TET1: variants seen among roughly 807,000 people sequenced by gnomAD.
The protein encoded by TET1 is tet methylcytosine dioxygenase 1.
A neutral mutation model predicts 148.7 loss-of-function variants in TET1; 13 were observed. The ratio of observed to expected loss-of-function variants is 0.09; its 90% confidence interval spans 0.06 to 0.14. The LOEUF is 0.14. Ranked by LOEUF, TET1 falls within the 10% of genes least tolerant of loss-of-function variation. The pLI, the probability that TET1 is intolerant of heterozygous loss-of-function variation, is 1.00. For missense variants in TET1, 2,182 were observed against 2,553.8 expected, an observed-to-expected ratio of 0.85 and a Z score of 3.14; for synonymous variants, 907 against 937.2, an observed-to-expected ratio of 0.97 and a Z score of 0.59.
chr10:68,611,269 C>T (rs2054205305), intron 3 of TET1, among the ~76,000 whole-genome samples: 1 of 151,274 alleles, frequency 6.6e-6, no homozygotes, highest in African/African-American at 2.4e-5. Context: ...GTAGCCTGGG[C>T]AACAGAGCGA....
chr10:68,639,578 C>T (rs1019838178), intron 3 of TET1, among the ~76,000 whole-genome samples: 3 of 152,006 alleles, frequency 2.0e-5, no homozygotes, highest in Non-Finnish European at 4.4e-5. Flanking sequence ...ACGTGATCCT[C>T]CCGCTTCAGC....
Position 68,646,236 on chromosome 10 carries a change from A to T in TET1, c.3507A>T (p.Gln1169His), listed in dbSNP as rs777844548. 6.2e-7 allele frequency: 1 copy of T among 1,614,222 alleles called. No homozygotes were observed. Among genetic ancestry groups the T allele is most frequent in the Non-Finnish European group, 8.5e-7 (1 of 1,180,034 alleles). ...RKKKPTVVSY[Q>H]ENDRQKWEKL... ...AGAAGCCCACAGTTGTAAGTTATCA[A>T]GAAAATGATCGGCAGAAGTGGGAAA... The change falls in exon 4 of 12, where the codon CAA becomes CAT. Residue 1169 changes from glutamine (Q) to histidine (H), a missense_variant. Transcript: ENST00000373644.
At chr10:68,623,178 T>C (rs999431902) in intron 3 of TET1, among the ~76,000 whole-genome samples, 5 of 152,206 alleles carry the variant, frequency 3.3e-5, no homozygotes, top group African/African-American at 1.2e-4. Context: ...TACATATTAA[T>C]GTGGTGTTTG....
intron 3 of TET1, among the ~76,000 whole-genome samples, chr10:68,608,035 TCTC>T (rs1038956728): frequency 9.9e-5 from 15 of 151,674 alleles, no homozygotes; most frequent in Admixed American, 2.0e-4. Flanking sequence ...TTCAAGCAGT[TCTC>T]CTGCCTCAGC....
chr10:68,692,055 A>C lies in TET1; in HGVS notation c.*241A>C. ...TTTTATAGTTTTAAATACATAAAGA[A>C]ATGTTTCAGTTAGGCATTAACCTTG... On this transcript the variant is annotated 3_prime_UTR_variant, in exon 12 of 12. Coordinates refer to ENST00000373644, the MANE Select transcript of TET1 (RefSeq NM_030625.3). 1 of 469,264 alleles carries C rather than the reference A, an allele frequency of 2.1e-6. No homozygotes were observed. 29.1% of individuals were successfully genotyped at this position (469,264 alleles called of 1,614,324 possible).
chr10:68,597,675 A>G (rs1013889763), intron 2 of TET1, among the ~76,000 whole-genome samples: 3 of 152,238 alleles, frequency 2.0e-5, no homozygotes, highest in Non-Finnish European at 4.4e-5. Context: ...AGTAATATTC[A>G]TAATCACCAA....
chr10:68,576,267 C>G (rs2053729644), intron 2 of TET1, among the ~76,000 whole-genome samples: 1 of 151,528 alleles, frequency 6.6e-6, no homozygotes. Flanking sequence ...ACAAGAATCA[C>G]TTGAACCTCG....
At chr10:68,611,277 C>T (rs747583353) in intron 3 of TET1, among the ~76,000 whole-genome samples, 3 of 151,256 alleles carry the variant, frequency 2.0e-5, no homozygotes, top group African/African-American at 7.3e-5. Flanking sequence ...GGCAACAGAG[C>T]GAGACTCCTT....
rs1334654652 is a variant in TET1, at chr10:68,693,730, T to C, written c.*1916T>C. 8.6e-6 allele frequency: 2 copies of C among 231,608 alleles called. No homozygotes were observed. Among genetic ancestry groups the C allele is most frequent in the Non-Finnish European group, 1.7e-5 (2 of 117,156 alleles). The allele number at this position is 231,608 out of a possible 1,614,324, so 14.3% of individuals were successfully genotyped here. On this transcript the variant is annotated 3_prime_UTR_variant, in exon 12 of 12. Transcript: ENST00000373644. ...TATAAGTATATAAATAAGTGATTGT[T>C]TATTGCTTCAGCTGCTTCAACAAGA...
chr10:68,593,805 G>A (rs2053946809), intron 2 of TET1, among the ~76,000 whole-genome samples: 1 of 151,406 alleles, frequency 6.6e-6, no homozygotes, highest in African/African-American at 2.4e-5. Context: ...GTAGAGACAG[G>A]GTTTCACTAT....
At chr10:68,631,433 C>CTTTTTTTTTTT (rs546257824) in intron 3 of TET1, among the ~76,000 whole-genome samples, 341 of 110,460 alleles carry the variant, frequency 3.1e-3, no homozygotes, top group Middle Eastern at 5.6e-3. Context: ...TTTCTTTCTT[C>CTTTTTTTTTTT]TTTTTTTTTT....
intron 2 of TET1, among the ~76,000 whole-genome samples, chr10:68,599,870 TC>T (rs1189177028): frequency 6.6e-6 from 1 of 152,006 alleles, no homozygotes; most frequent in East Asian, 1.9e-4. Context: ...AGAGAGAAAA[TC>T]CTTTCTCTCT....
chr10:68,651,799 T>C, intron 4 of TET1, 47 bp from the exon 5 acceptor site: 4 of 1,436,914 alleles, frequency 2.8e-6, no homozygotes, highest in Non-Finnish European at 3.9e-6. Flanking sequence ...CTGTCCCCTA[T>C]GCAATTCTGT....
chr10:68,593,439 A>AT lies in TET1; in HGVS notation c.1915-7537dup, dbSNP rs935982709. ...AAAAAAATAAAGTTTTTTTAAAAAA[A>AT]TTTTTAATTTTTTCACTTTTTATGA... On this transcript the variant is annotated intron_variant, in intron 2 of 11. Coordinates refer to ENST00000373644, the MANE Select transcript of TET1 (RefSeq NM_030625.3). Among the ~76,000 whole-genome samples, 25 of 151,532 alleles carry AT rather than the reference A, an allele frequency of 1.6e-4. No homozygotes were observed. The South Asian group carries it at 2.7e-3, about 16-fold the overall frequency.
intron 1 of TET1, among the ~76,000 whole-genome samples, chr10:68,567,371 ACAG>A (rs2053618441): frequency 2.0e-5 from 3 of 152,066 alleles, no homozygotes; most frequent in African/African-American, 7.2e-5. Context: ...TAATTTTTAA[ACAG>A]ATTGAACCCG....
At chr10:68,643,084 T>A (rs1258095686) in intron 3 of TET1, among the ~76,000 whole-genome samples, 2 of 151,008 alleles carry the variant, frequency 1.3e-5, no homozygotes, top group South Asian at 4.2e-4. Flanking sequence ...CATGGTGATA[T>A]CCTGTCTCTA....
At chr10:68,642,686 C>T (rs1418743595) in intron 3 of TET1, among the ~76,000 whole-genome samples, 2 of 152,004 alleles carry the variant, frequency 1.3e-5, no homozygotes, top group Admixed American at 6.6e-5. Flanking sequence ...CTCACTGCAA[C>T]CTCTGCCTCC....
At chr10:68,639,385 GCACTCCAGCTCGGGTGACA>G (rs763527440) in intron 3 of TET1, among the ~76,000 whole-genome samples, 3,642 of 151,768 alleles carry the variant, frequency 0.024, 51 homozygotes, top group Non-Finnish European at 0.035. Context: ...TCTTGCCACT[GCACTCCAGCTCGGGTGACA>G]GAGCAAGACT....
rs562487375 is a variant in TET1 at position 68,692,239 on chromosome 10, T to TA, written c.*430dup. The TA allele has an allele frequency of 2.7e-3, 633 of 236,886 alleles. 2 individuals are homozygous for TA. The highest frequency in any genetic ancestry group is 0.013 in the African/African-American group (580 of 45,506). The allele number at this position is 236,886 out of a possible 1,614,324, so 14.7% of individuals were successfully genotyped here. A position where few individuals can be genotyped will look rare whatever the true frequency, so the allele number is the denominator to read the frequency against. On this transcript the variant is annotated 3_prime_UTR_variant, in exon 12 of 12. Coordinates refer to ENST00000373644, the MANE Select transcript of TET1 (RefSeq NM_030625.3). ...TGGTGCTTAACCACATCCACACAGT[T>TA]AAAAATAAGCTGAATTATTATTTCA...
Sources: gnomAD v4.1 joint callset for allele counts (sites outside exome capture counted in the v4.1 genomes callset) on GRCh38, gnomAD v4.1.1 for gene constraint, MANE v1.5 for transcripts, NCBI Gene and HGNC (gene_info 2026-07-23, HGNC 2026-07-21) for gene names.